The following SFXN5 variants were observed in gnomAD, a reference collection of about 807,000 sequenced individuals.
SFXN5 encodes sideroflexin-5.
A neutral mutation model predicts 50.2 loss-of-function variants in SFXN5; 43 were observed. The ratio of observed to expected loss-of-function variants is 0.86; its 90% CI spans 0.67 to 1.11. SFXN5 has a LOEUF of 1.11. Ranked by LOEUF, SFXN5 falls within the 50% of genes least tolerant of loss-of-function variation. The probability of loss-of-function intolerance (pLI) is 0.00; values close to 1 mark genes in which losing one functional copy is unlikely to be tolerated. For missense variants in SFXN5, 463 were observed against 454.1 expected (o/e 1.02, Z -0.18); for synonymous variants, 203 against 185.8 (o/e 1.09, Z -0.75).
intron 2 of SFXN5, among the ~76,000 whole-genome samples, chr2:73,046,880 T>A (rs1181226263): frequency 6.6e-6 from 1 of 151,874 alleles, no homozygotes; most frequent in Admixed American, 6.6e-5. Context: ...CCTTTTTTTT[T>A]TCCTACAATA....
chr2:73,020,237 A>G lies in SFXN5; in HGVS notation c.357+2T>C, dbSNP rs767771527. ...AGGAAATCCTTTGAAGGTAACACTT[A>G]CAATTGGCGTCCCAAAAGGAATATA... On this transcript the variant is annotated splice_donor_variant, in intron 6 of 13. Transcript: ENST00000272433. LOFTEE classifies it high-confidence loss of function. The G allele has an allele frequency of 8.1e-6, 13 of 1,613,934 alleles. No individual in the cohort carries two copies. The highest frequency in any genetic ancestry group is 1.0e-5 in the Non-Finnish European group (12 of 1,179,822).
At chr2:73,067,218 A>C (rs778466987) in intron 1 of SFXN5, among the ~76,000 whole-genome samples, 1 of 152,216 alleles carries the variant, frequency 6.6e-6, no homozygotes, top group African/African-American at 2.4e-5. Flanking sequence ...GTTGAGGGAC[A>C]CTCTATAAAA....
chr2:73,041,418 G>A (rs570876189), intron 2 of SFXN5, among the ~76,000 whole-genome samples: 59 of 152,266 alleles, frequency 3.9e-4, no homozygotes, highest in African/African-American at 1.3e-3. Flanking sequence ...TAGGCCAGGC[G>A]CGGTGGCTCA....
intron 10 of SFXN5, among the ~76,000 whole-genome samples, chr2:72,981,480 T>G (rs2105520387): frequency 6.6e-6 from 1 of 152,288 alleles, no homozygotes; most frequent in South Asian, 2.1e-4. Context: ...TCGATGGATC[T>G]TTTTAGATCC....
At chr2:73,022,636 G>T in intron 4 of SFXN5, 60 bp from the exon 5 acceptor site, 1 of 385,984 alleles carries the variant, frequency 2.6e-6, no homozygotes. Context: ...GGGGAAGGGG[G>T]AAGGGGGAGG....
At chr2:72,995,389 A>T (rs1252053544) in intron 9 of SFXN5, among the ~76,000 whole-genome samples, 5 of 152,230 alleles carry the variant, frequency 3.3e-5, no homozygotes, top group Non-Finnish European at 5.9e-5. Flanking sequence ...GTTCACCAAG[A>T]GGCTGCTAAT....
At chr2:72,954,830 G>A (rs1301505499) in intron 13 of SFXN5, among the ~76,000 whole-genome samples, 1 of 152,190 alleles carries the variant, frequency 6.6e-6, no homozygotes, top group Non-Finnish European at 1.5e-5. Flanking sequence ...AACTCAAGTG[G>A]ACTCACTCAG....
intron 10 of SFXN5, among the ~76,000 whole-genome samples, chr2:72,975,020 T>C (rs142950070): frequency 1.4e-4 from 22 of 152,288 alleles, no homozygotes; most frequent in Non-Finnish European, 2.5e-4. Flanking sequence ...TCAACTCAGA[T>C]TGACACCATT....
intron 5 of SFXN5, 31 bp downstream of exon 5, chr2:73,022,491 G>C: frequency 6.3e-7 from 1 of 1,590,684 alleles, no homozygotes. Flanking sequence ...ACCCCAGGCT[G>C]ACCAGAACCA....
At chr2:73,052,206 C>T (rs375545138) in intron 2 of SFXN5, among the ~76,000 whole-genome samples, 8 of 152,102 alleles carry the variant, frequency 5.3e-5, no homozygotes, top group Admixed American at 2.0e-4. Flanking sequence ...AGGAAGCCCT[C>T]GTTCCTTTTT....
At chr2:72,980,340 AC>A (rs1004068529) in intron 10 of SFXN5, among the ~76,000 whole-genome samples, 12 of 152,158 alleles carry the variant, frequency 7.9e-5, no homozygotes, top group African/African-American at 2.9e-4. Flanking sequence ...GCATATTACC[AC>A]CTTTACACAC....
At chr2:72,978,285 CTT>C (rs1190004946) in intron 10 of SFXN5, among the ~76,000 whole-genome samples, 20 of 139,832 alleles carry the variant, frequency 1.4e-4, no homozygotes, top group Non-Finnish European at 1.6e-4. Flanking sequence ...CTTTTTCTTT[CTT>C]TTTTTTTTTT....
At chr2:72,968,373 T>G in intron 12 of SFXN5, 75 bp downstream of exon 12, 3 of 1,426,594 alleles carry the variant, frequency 2.1e-6, no homozygotes, top group Non-Finnish European at 1.9e-6. Context: ...ATCTCTTGCC[T>G]GGGCCAGCCG....
chr2:72,995,586 C>T (rs1393950789), intron 9 of SFXN5, among the ~76,000 whole-genome samples: 1 of 152,104 alleles, frequency 6.6e-6, no homozygotes, highest in Non-Finnish European at 1.5e-5. Context: ...CTGCTTGCAG[C>T]CTGTCGGCCC....
intron 6 of SFXN5, chr2:73,019,994 C>T: frequency 2.1e-6 from 1 of 465,170 alleles, no homozygotes; most frequent in Non-Finnish European, 3.8e-6. Flanking sequence ...AGAAAACGTG[C>T]AGGGAAGAAG....
chr2:73,006,369 C>T lies in SFXN5; in HGVS notation c.358-4791G>A, dbSNP rs538333780. Among the ~76,000 whole-genome samples, 226 of 152,322 alleles carry T rather than the reference C, an allele frequency of 1.5e-3. 4 individuals are homozygous for T. The highest frequency in any genetic ancestry group is 2.8e-3 in the Non-Finnish European group (192 of 68,026). On this transcript the variant is annotated intron_variant, in intron 6 of 13. Transcript: ENST00000272433. ...AGGCACGGTGGCTCACGCCTGCAAT[C>T]CCAGCACTTTGGGAAGCCAAGGCAG... is the stretch of plus-strand genomic sequence containing the variant.
At chr2:73,049,239 C>G (rs1266372838) in intron 2 of SFXN5, 1 of 152,254 alleles carries the variant, frequency 6.6e-6, no homozygotes, top group Non-Finnish European at 1.5e-5. Context: ...CTCAACAGAA[C>G]AGAACGGCAA....
At chr2:72,975,624 C>T (rs976854571) in intron 10 of SFXN5, among the ~76,000 whole-genome samples, 15 of 152,244 alleles carry the variant, frequency 9.9e-5, no homozygotes, top group African/African-American at 3.6e-4. Context: ...TTACCTGCTA[C>T]TCAACACAAT....
At chr2:72,977,360 G>A (rs1300171346) in intron 10 of SFXN5, among the ~76,000 whole-genome samples, 2 of 152,116 alleles carry the variant, frequency 1.3e-5, no homozygotes, top group African/African-American at 4.8e-5. Context: ...ATGTATAAGA[G>A]CTTTAACAAT....
Sources: allele counts gnomAD v4.1 joint callset (sites outside exome capture counted in the v4.1 genomes callset), GRCh38; gene constraint gnomAD v4.1.1; transcripts MANE v1.5; gene names NCBI Gene and HGNC (gene_info 2026-07-23, HGNC 2026-07-21).